Variants in MRPL1 observed in about 807,000 individuals in gnomAD.
The protein encoded by MRPL1 is mitochondrial ribosomal protein L1, also known as large ribosomal subunit protein uL1m.
MRPL1 carries 28 observed loss-of-function variants against 38.0 expected under a neutral mutation model. That is an observed-to-expected ratio of 0.74 (90% confidence interval 0.55 to 1.01). The LOEUF is 1.01. MRPL1 is among the 50% of genes least tolerant of loss of function. The probability of loss-of-function intolerance (pLI) is 0.00; values close to 1 mark genes in which losing one functional copy is unlikely to be tolerated. For missense variants in MRPL1, 358 were observed against 389.8 expected (o/e 0.92, Z 0.69); for synonymous variants, 123 against 126.7 (o/e 0.97, Z 0.20).
chr4:77,868,870 G>C lies in MRPL1; in HGVS notation c.32-2874G>C, dbSNP rs78785340. ...ATGCTCACTGGATAGTTTAGTAGTA[G>C]CTCGTGGAGTACCTTGGTAAAAATT... On this transcript the variant is annotated intron_variant, in intron 1 of 8. Coordinates refer to ENST00000315567, the MANE Select transcript of MRPL1 (RefSeq NM_020236.4). Among the ~76,000 whole-genome samples the C allele has an allele frequency of 2.9e-3, 444 of 152,328 alleles. 2 individuals carry two copies. The highest frequency in any genetic ancestry group is 9.9e-3 in the African/African-American group (412 of 41,568).
intron 3 of MRPL1, among the ~76,000 whole-genome samples, chr4:77,884,367 A>G (rs139455615): frequency 1.3e-5 from 2 of 152,328 alleles, no homozygotes; most frequent in African/African-American, 4.8e-5. Flanking sequence ...TATTAGGGGA[A>G]CAACCACCTT....
intron 7 of MRPL1, among the ~76,000 whole-genome samples, chr4:77,938,656 T>G (rs1249940105): frequency 6.6e-6 from 1 of 152,176 alleles, no homozygotes; most frequent in African/African-American, 2.4e-5. Context: ...TAGCTGTTCT[T>G]GACAAATCAG....
In MRPL1 at chr4:77,883,500, G is replaced by A. The variant is rs1032214472; in HGVS notation, c.402G>A (p.Lys134=). The stretch of plus-strand genomic sequence containing the variant: ...CACTGGATATGGCACTGGGAAAGAA[G>A]GTATGTAGAGTCCATTAAAATAAGT... ...DLTLDMALGK[K]KNVEPFTSVL... is the part of the protein sequence containing the mutation. The change falls in exon 3 of 9, where the codon AAG becomes AAA. Residue 134 remains lysine, a splice_region_variant and synonymous_variant. Transcript: ENST00000315567. 2 of 1,600,036 alleles carry A rather than the reference G, an allele frequency of 1.2e-6. No homozygotes were observed. Among genetic ancestry groups the A allele is most frequent in the South Asian group, 1.1e-5 (1 of 87,896 alleles).
At chr4:77,871,997 A>G in intron 2 of MRPL1, 142 bp downstream of exon 2, 1 of 621,234 alleles carries the variant, frequency 1.6e-6, no homozygotes, top group Non-Finnish European at 2.8e-6. Context: ...ATAGTCCTGA[A>G]GGAAAGATAA....
chr4:77,883,721 G>A (rs888984074), intron 3 of MRPL1, among the ~76,000 whole-genome samples: 3 of 152,024 alleles, frequency 2.0e-5, no homozygotes, highest in Non-Finnish European at 4.4e-5. Flanking sequence ...GGGACTACAG[G>A]TGTGTTCTAC....
intron 2 of MRPL1, among the ~76,000 whole-genome samples, chr4:77,877,455 G>A (rs541706820): frequency 8.5e-6 from 1 of 117,704 alleles, no homozygotes; most frequent in South Asian, 2.9e-4. Context: ...CAGCGTTCCT[G>A]TTCATGCTCA....
intron 6 of MRPL1, among the ~76,000 whole-genome samples, chr4:77,902,358 C>A: frequency 1.4e-5 from 2 of 139,748 alleles, no homozygotes; most frequent in African/African-American, 5.4e-5. Flanking sequence ...GTACTCTAGC[C>A]AGGGCAACAT....
chr4:77,915,522 C>T (rs1736403809), intron 7 of MRPL1, among the ~76,000 whole-genome samples: 1 of 152,154 alleles, frequency 6.6e-6, no homozygotes, highest in Admixed American at 6.5e-5. Context: ...GTGATCCTCC[C>T]ATCTCAGCTC....
At chr4:77,929,638 CTTGTCTT>C (rs1736800782) in intron 7 of MRPL1, among the ~76,000 whole-genome samples, 2 of 151,994 alleles carry the variant, frequency 1.3e-5, no homozygotes, top group Non-Finnish European at 2.9e-5. Context: ...TATACCACAG[CTTGTCTT>C]TATATGAATT....
chr4:77,947,838 CA>C, intron 7 of MRPL1, among the ~76,000 whole-genome samples: 1 of 152,160 alleles, frequency 6.6e-6, no homozygotes, highest in South Asian at 2.1e-4. Flanking sequence ...TATAGCTGTA[CA>C]TATATTTTAA....
At position 77,871,763 on chromosome 4, in the gene MRPL1, G is replaced by T. The variant is rs2110229197; in HGVS notation, c.51G>T (p.Arg17Ser). 6.3e-7 allele frequency: 1 copy of T among 1,580,742 alleles called. No homozygotes were observed. The highest frequency in any genetic ancestry group is 2.3e-5 in the East Asian group (1 of 43,048). ...TTCAAGCCTTGATACATCATCAAAG[G>T]CATAGCCTTTCCAAGATGGTTTATC... ...CMGRALIHHQ[R>S]HSLSKMVYQT... is the part of the protein sequence containing the mutation. The change falls in exon 2 of 9, where the codon AGG becomes AGT. Residue 17 changes from arginine (R) to serine (S), a missense_variant. Coordinates refer to ENST00000315567, the MANE Select transcript of MRPL1 (RefSeq NM_020236.4).
At chr4:77,887,344 A>AC (rs1735702493) in intron 5 of MRPL1, 53 bp downstream of exon 5, 2 of 1,360,264 alleles carry the variant, frequency 1.5e-6, no homozygotes, top group East Asian at 4.6e-5. Context: ...TGTTATCTTT[A>AC]CCATTCATTG....
At chr4:77,940,420 A>G (rs189207574) in intron 7 of MRPL1, among the ~76,000 whole-genome samples, 1 of 152,122 alleles carries the variant, frequency 6.6e-6, no homozygotes, top group Non-Finnish European at 1.5e-5. Flanking sequence ...TGCTGAATTC[A>G]TTTATCAGTT....
chr4:77,898,743 C>T (rs1187563387), intron 6 of MRPL1, among the ~76,000 whole-genome samples: 1 of 151,922 alleles, frequency 6.6e-6, no homozygotes, highest in African/African-American at 2.4e-5. Flanking sequence ...ATCCACATCC[C>T]TCAGCTTCCC....
At chr4:77,923,390 C>T (rs536966871) in intron 7 of MRPL1, among the ~76,000 whole-genome samples, 5 of 152,142 alleles carry the variant, frequency 3.3e-5, no homozygotes, top group African/African-American at 1.2e-4. Flanking sequence ...GCCACTGTGC[C>T]CGACCCTGGT....
intron 7 of MRPL1, among the ~76,000 whole-genome samples, chr4:77,946,506 T>A (rs1354433545): frequency 1.3e-5 from 2 of 152,008 alleles, no homozygotes; most frequent in Non-Finnish European, 2.9e-5. Context: ...ATTATAAGAG[T>A]ATTATTTGGG....
At chr4:77,901,111 A>G (rs772839991) in intron 6 of MRPL1, among the ~76,000 whole-genome samples, 2 of 152,208 alleles carry the variant, frequency 1.3e-5, no homozygotes, top group Non-Finnish European at 1.5e-5. Context: ...TATGACAATA[A>G]TATCACAAGG....
At chr4:77,910,570 A>G (rs1423017462) in intron 7 of MRPL1, among the ~76,000 whole-genome samples, 1 of 152,162 alleles carries the variant, frequency 6.6e-6, no homozygotes, top group Non-Finnish European at 1.5e-5. Context: ...AAGGTTGCAG[A>G]GTGAGACCCT....
intron 6 of MRPL1, among the ~76,000 whole-genome samples, chr4:77,899,131 C>G (rs1383584371): frequency 6.7e-6 from 1 of 149,778 alleles, no homozygotes; most frequent in South Asian, 2.1e-4. Context: ...ATAGCTGGGA[C>G]TACAGGCATG....
Sources: allele counts gnomAD v4.1 joint callset (sites outside exome capture counted in the v4.1 genomes callset), GRCh38; gene constraint gnomAD v4.1.1; transcripts MANE v1.5; gene names NCBI Gene and HGNC (gene_info 2026-07-23, HGNC 2026-07-21).